E2F7: variants seen among roughly 807,000 people sequenced by gnomAD.
E2F7 encodes the protein E2F transcription factor 7, also known as transcription factor E2F7.
Under a neutral mutation model 81.1 loss-of-function variants are expected in E2F7, and 35 were observed. That is an observed-to-expected ratio of 0.43 (90% CI 0.33 to 0.57). The LOEUF (loss-of-function observed/expected upper bound fraction) is 0.57. E2F7 is among the 20% of genes least tolerant of loss of function. The probability of loss-of-function intolerance (pLI) is 0.04; values close to 1 mark genes in which losing one functional copy is unlikely to be tolerated. For synonymous variants in E2F7, 416 were observed against 416.2 expected (o/e 1.00, Z 0.01); for missense variants, 961 against 1,093.7 (o/e 0.88, Z 1.71).
At chr12:77,025,520 C>T in intron 12 of E2F7, 38 bp downstream of exon 12, 1 of 1,603,940 alleles carries the variant, frequency 6.2e-7, no homozygotes, top group Non-Finnish European at 8.5e-7. Flanking sequence ...ATACCCCTTC[C>T]CAGAGTGACA....
At position 77,048,783 on chromosome 12, in the gene E2F7, G is replaced by A. The variant is rs80348878; in HGVS notation, c.538+1793C>T. 3.9e-5 allele frequency among the ~76,000 whole-genome samples: 6 copies of A among 152,310 alleles called. No individual in the cohort carries two copies. In the East Asian group the frequency reaches 1.2e-3, roughly 29 times the overall value. On this transcript the variant is annotated intron_variant, in intron 4 of 12. Coordinates refer to ENST00000322886, the MANE Select transcript of E2F7 (RefSeq NM_203394.3). ...CTCCAGGCAGCCATAACATGGGGATGTGCACAACGATCTGCAGCCATACAA... is the reference window on the plus strand; with the variant it reads ...CTCCAGGCAGCCATAACATGGGGATATGCACAACGATCTGCAGCCATACAA...
chr12:77,056,066 T>C lies in E2F7; in HGVS notation c.158A>G (p.Asp53Gly). Reference sequence around the variant, plus strand: ...AGTAAATTTTTTTTGCTTCGATAAATCAATTGGTTCATTTTTTATTGGAGT... The same window carrying C: ...AGTAAATTTTTTTTGCTTCGATAAACCAATTGGTTCATTTTTTATTGGAGT... ...PKTPIKNEPI[D>G]LSKQKKFTPE... Residue 53 changes from aspartate to glycine, a missense_variant, in exon 3 of 13, where the codon GAT becomes GGT. Asp to Gly is a moderately conservative substitution (Grantham distance 94, BLOSUM62 -1). Coordinates refer to ENST00000322886, the MANE Select transcript of E2F7 (RefSeq NM_203394.3). 3 of 1,614,078 alleles carry C rather than the reference T, an allele frequency of 1.9e-6. No individual in the cohort carries two copies. The highest frequency in any genetic ancestry group is 2.5e-6 in the Non-Finnish European group (3 of 1,179,988).
At chr12:77,057,128 C>G (rs563816453) in intron 2 of E2F7, among the ~76,000 whole-genome samples, 2 of 152,234 alleles carry the variant, frequency 1.3e-5, no homozygotes, top group Non-Finnish European at 2.9e-5. Flanking sequence ...TCACAGCTAA[C>G]TGCAGCCTCA....
intron 6 of E2F7, among the ~76,000 whole-genome samples, chr12:77,043,467 G>A (rs562081754): frequency 6.4e-4 from 97 of 152,130 alleles, no homozygotes; most frequent in Non-Finnish European, 1.1e-3. Flanking sequence ...AGGGAGCACT[G>A]TGATTGCAAA....
intron 10 of E2F7, among the ~76,000 whole-genome samples, chr12:77,028,882 G>T (rs1954781048): frequency 6.6e-6 from 1 of 152,214 alleles, no homozygotes; most frequent in African/African-American, 2.4e-5. Context: ...CACTGTATTT[G>T]TAGGAATGGT....
Position 77,030,050 on chromosome 12 carries a change from G to T in E2F7, c.1665C>A (p.Phe555Leu). The change falls in exon 10 of 13, where the codon TTC becomes TTA. Residue 555 changes from phenylalanine (F) to leucine (L), a missense_variant. Phe to Leu is a conservative substitution (Grantham distance 22). Around this residue, in one of 3 missense-constraint regions of E2F7, gnomAD observed 587 missense variants for 620.3 expected, o/e 0.95. Coordinates refer to ENST00000322886, the MANE Select transcript of E2F7 (RefSeq NM_203394.3). Reference sequence around the variant, plus strand: ...CCTCCTGCAGACTTCCATACAGCATGAACAGTGAGGCAGAGGGCACATACA... The same window carrying T: ...CCTCCTGCAGACTTCCATACAGCATTAACAGTGAGGCAGAGGGCACATACA... Reference protein sequence around the residue: ...PLVYVPSASLFMLYGSLQEGP... With the variant: ...PLVYVPSASLLMLYGSLQEGP... 6.2e-7 allele frequency: 1 copy of T among 1,614,176 alleles called. No individual in the cohort carries two copies. Among genetic ancestry groups the T allele is most frequent in the South Asian group, 1.1e-5 (1 of 91,088 alleles).
chr12:77,046,213 G>A lies in E2F7; in HGVS notation c.654C>T (p.Thr218=). 1 of 1,614,180 alleles carries A rather than the reference G, an allele frequency of 6.2e-7. No homozygotes were observed. Among genetic ancestry groups the A allele is most frequent in the African/African-American group, 1.3e-5 (1 of 75,038 alleles). The change falls in exon 5 of 13, where the codon ACC becomes ACT. Residue 218 remains threonine (T), a synonymous_variant. Transcript: ENST00000322886. The part of the protein sequence containing the change: ...GWHGRHSLPK[T]LRNLQRLGEE... ...CTCCTAGTCTCTGGAGGTTCCTCAGGGTTTTTGGCAGGCTGTGCCGTCCAT... is the reference window on the plus strand; with the variant it reads ...CTCCTAGTCTCTGGAGGTTCCTCAGAGTTTTTGGCAGGCTGTGCCGTCCAT...
intron 9 of E2F7, among the ~76,000 whole-genome samples, chr12:77,030,816 T>G (rs1319121313): frequency 6.6e-6 from 1 of 152,136 alleles, no homozygotes; most frequent in Non-Finnish European, 1.5e-5. Flanking sequence ...CTGGGCCCCA[T>G]GCCCACATCT....
At chr12:77,027,839 T>C in intron 11 of E2F7, 44 bp downstream of exon 11, 1 of 1,595,796 alleles carries the variant, frequency 6.3e-7, no homozygotes, top group Non-Finnish European at 8.5e-7. Flanking sequence ...CAATTCTTGA[T>C]CTGACTGCCG....
intron 8 of E2F7, among the ~76,000 whole-genome samples, chr12:77,033,484 C>G (rs982668283): frequency 1.6e-4 from 25 of 152,066 alleles, no homozygotes; most frequent in African/African-American, 5.3e-4. Context: ...TGTACTCCAG[C>G]CTGGGTGACA....
chr12:77,047,974 G>A (rs1462986235), intron 4 of E2F7, among the ~76,000 whole-genome samples: 1 of 152,162 alleles, frequency 6.6e-6, no homozygotes, highest in Non-Finnish European at 1.5e-5. Flanking sequence ...ATGCCCGGCT[G>A]TTTTGTTAGT....
intron 6 of E2F7, among the ~76,000 whole-genome samples, chr12:77,043,940 C>T (rs11116787): frequency 0.028 from 4,193 of 152,268 alleles, 82 homozygotes; most frequent in East Asian, 0.068. Flanking sequence ...TAAGATCAAG[C>T]AAAGGAGTTT....
chr12:77,034,170 ACAAT>A (rs1954830073), intron 7 of E2F7, 128 bp from the exon 8 acceptor site: 1 of 759,280 alleles, frequency 1.3e-6, no homozygotes, highest in Non-Finnish European at 1.9e-6. Flanking sequence ...AAAAACTAAG[ACAAT>A]CAAAGGAATT....
In E2F7 at chr12:77,046,289, A is replaced by G; in HGVS notation, c.578T>C (p.Leu193Pro). The G allele has an allele frequency of 6.2e-7, 1 of 1,614,168 alleles. No individual in the cohort carries two copies. Among genetic ancestry groups the G allele is most frequent in the Non-Finnish European group, 8.5e-7 (1 of 1,180,020 alleles). The change falls in exon 5 of 13, where the codon CTG becomes CCG. Residue 193 changes from leucine (L) to proline (P), a missense_variant. Leu to Pro is a moderately conservative substitution (Grantham distance 98). Around this residue, in one of 3 missense-constraint regions of E2F7, gnomAD observed 301 missense variants for 405.0 expected, o/e 0.74. Transcript: ENST00000322886. Reference sequence around the variant, plus strand: ...CCGGCTGACCAGATGCAGCGACTCCAGCACATTTACAATGTCATAGATGCG... The same window carrying G: ...CCGGCTGACCAGATGCAGCGACTCCGGCACATTTACAATGTCATAGATGCG... The part of the protein sequence containing the change: ...RRRIYDIVNV[L>P]ESLHLVSRVA...
rs576068526 is a variant in E2F7 at position 77,040,493 on chromosome 12, C to T, written c.1123+2572G>A. ...AATTCTCCACCAAGCTGTGCATGAC[C>T]ACAACTGACTGTGGAAACACCCTGA... On this transcript the variant is annotated intron_variant, in intron 7 of 12. Transcript: ENST00000322886. Among the ~76,000 whole-genome samples, 6 of 152,308 alleles carry T rather than the reference C, an allele frequency of 3.9e-5. No homozygotes were observed. In the South Asian group the frequency reaches 6.2e-4, roughly 16 times the overall value.
chr12:77,038,448 T>C (rs1421310709), intron 7 of E2F7, among the ~76,000 whole-genome samples: 2 of 152,122 alleles, frequency 1.3e-5, no homozygotes, highest in East Asian at 3.9e-4. Flanking sequence ...TAAAAATCCC[T>C]AAGAGAAAGG....
At chr12:77,044,207 T>A (rs1954919539) in intron 6 of E2F7, 1 of 444,980 alleles carries the variant, frequency 2.2e-6, no homozygotes, top group Non-Finnish European at 4.5e-6. Flanking sequence ...CCTGTCCATG[T>A]CCCACCACCC....
At chr12:77,048,792 G>A (rs993604490) in intron 4 of E2F7, among the ~76,000 whole-genome samples, 6 of 152,170 alleles carry the variant, frequency 3.9e-5, no homozygotes, top group Non-Finnish European at 5.9e-5. Flanking sequence ...TGTGCACAAC[G>A]ATCTGCAGCC....
intron 4 of E2F7, among the ~76,000 whole-genome samples, chr12:77,048,820 C>T (rs1027642116): frequency 3.9e-5 from 6 of 152,140 alleles, no homozygotes; most frequent in African/African-American, 1.4e-4. Flanking sequence ...AGTAGGAGTC[C>T]ACTTTTCTGT....
Sources: allele counts gnomAD v4.1 joint callset (sites outside exome capture counted in the v4.1 genomes callset), GRCh38; gene constraint gnomAD v4.1.1; regional missense constraint gnomAD v4.1.1; transcripts MANE v1.5; gene names NCBI Gene and HGNC (gene_info 2026-07-23, HGNC 2026-07-21).